Variants in STXBP4 observed in about 807,000 individuals in gnomAD.
STXBP4 encodes the protein syntaxin-binding protein 4.
A neutral mutation model predicts 76.1 loss-of-function variants in STXBP4; 55 were observed. The observed-to-expected ratio is 0.72, with a 90% CI of 0.58 to 0.91. The LOEUF (loss-of-function observed/expected upper bound fraction) is 0.91. Ranked by LOEUF, STXBP4 falls within the 40% of genes least tolerant of loss-of-function variation. The pLI is 0.00. For missense variants in STXBP4, 618 were observed against 636.9 expected (o/e 0.97, Z 0.32); for synonymous variants, 201 against 220.2 (o/e 0.91, Z 0.77).
intron 16 of STXBP4, among the ~76,000 whole-genome samples, chr17:55,137,520 C>T (rs1029226891): frequency 6.6e-6 from 1 of 151,998 alleles, no homozygotes; most frequent in African/African-American, 2.4e-5. Flanking sequence ...TAAGTTTCTA[C>T]AAGAAAAATT....
chr17:55,097,906 T>C (rs8080876), intron 16 of STXBP4, among the ~76,000 whole-genome samples: 57,912 of 151,844 alleles, frequency 0.38, 11,689 homozygotes, highest in East Asian at 0.54. Context: ...ATATCACCAA[T>C]CCATAGGGTT....
intron 12 of STXBP4, among the ~76,000 whole-genome samples, chr17:55,056,784 A>T (rs1005585239): frequency 7.9e-5 from 12 of 152,220 alleles, no homozygotes; most frequent in African/African-American, 2.9e-4. Context: ...AGGCAGGCAG[A>T]TCGCTTGAGC....
chr17:55,034,446 G>A (rs1030175893), intron 10 of STXBP4, among the ~76,000 whole-genome samples, 187 bp downstream of exon 10: 3 of 151,862 alleles, frequency 2.0e-5, no homozygotes, highest in South Asian at 2.1e-4. Flanking sequence ...CTCCTCTCTC[G>A]CTAGCCTCTT....
chr17:55,204,062 C>CT, the STXBP4 span, among the ~76,000 whole-genome samples: 6 of 151,282 alleles, frequency 4.0e-5, no homozygotes, highest in South Asian at 2.1e-4. Flanking sequence ...TTTTTTATTT[C>CT]TTTTTTTTGG....
At chr17:55,151,125 G>T (rs1185646214) in intron 17 of STXBP4, among the ~76,000 whole-genome samples, 2 of 152,202 alleles carry the variant, frequency 1.3e-5, no homozygotes, top group African/African-American at 4.8e-5. Context: ...AATAAGACCT[G>T]TGTGGGACTT....
intron 12 of STXBP4, among the ~76,000 whole-genome samples, chr17:55,053,481 C>T (rs1174062683): frequency 6.6e-6 from 1 of 152,060 alleles, no homozygotes; most frequent in Non-Finnish European, 1.5e-5. Flanking sequence ...CTATCAGTGG[C>T]TTACAAGAAT....
intron 12 of STXBP4, among the ~76,000 whole-genome samples, chr17:55,055,582 C>T (rs2078913764): frequency 6.6e-6 from 1 of 152,142 alleles, no homozygotes; most frequent in African/African-American, 2.4e-5. Context: ...TAGAACTCTC[C>T]AGGACTTTCC....
chr17:55,097,448 G>A (rs1008156915), intron 16 of STXBP4, among the ~76,000 whole-genome samples: 2 of 152,142 alleles, frequency 1.3e-5, no homozygotes, highest in Non-Finnish European at 2.9e-5. Flanking sequence ...CGGATCACGA[G>A]GTCAGGAGAT....
chr17:55,095,567 A>G (rs1298184329), intron 16 of STXBP4, among the ~76,000 whole-genome samples: 3 of 152,226 alleles, frequency 2.0e-5, no homozygotes, highest in South Asian at 2.1e-4. Flanking sequence ...AAATAGTTCA[A>G]TTCAGATCCA....
the STXBP4 span, among the ~76,000 whole-genome samples, chr17:55,189,054 G>A: frequency 0.22 from 33,890 of 151,768 alleles, 3,934 homozygotes; most frequent in African/African-American, 0.28. Flanking sequence ...GCAGATGTGG[G>A]CACTTTTTGT....
At chr17:55,062,815 A>C (rs2079010128) in intron 12 of STXBP4, among the ~76,000 whole-genome samples, 1 of 152,150 alleles carries the variant, frequency 6.6e-6, no homozygotes, top group South Asian at 2.1e-4. Flanking sequence ...ATGCTATCTC[A>C]TTGTGGTTTT....
At chr17:55,083,321 A>G (rs923931159) in intron 16 of STXBP4, among the ~76,000 whole-genome samples, 2 of 152,108 alleles carry the variant, frequency 1.3e-5, no homozygotes, top group Admixed American at 6.6e-5. Flanking sequence ...TTTTCACTAA[A>G]TGAAGATATT....
At chr17:55,095,096 A>G (rs933084946) in intron 16 of STXBP4, among the ~76,000 whole-genome samples, 2 of 152,202 alleles carry the variant, frequency 1.3e-5, no homozygotes, top group Admixed American at 6.5e-5. Context: ...GATGTGTACT[A>G]TCTAGTACTT....
Position 55,031,271 on chromosome 17 carries a change from T to G in STXBP4, c.763+7T>G. 4 of 1,594,286 alleles carry G rather than the reference T, an allele frequency of 2.5e-6. No homozygotes were observed. The highest frequency in any genetic ancestry group is 3.4e-6 in the Non-Finnish European group (4 of 1,162,698). On this transcript the variant is annotated splice_region_variant and intron_variant, in intron 9 of 17. Transcript: ENST00000376352. ...GGGACAGTGTCTTTTGGAGGTAATATTAGGTTTATTGTGTTGTATTATCAC... is the reference window on the plus strand; with the variant it reads ...GGGACAGTGTCTTTTGGAGGTAATAGTAGGTTTATTGTGTTGTATTATCAC...
intron 13 of STXBP4, among the ~76,000 whole-genome samples, chr17:55,076,298 G>T (rs536736127): frequency 6.6e-6 from 1 of 152,082 alleles, no homozygotes; most frequent in South Asian, 2.1e-4. Flanking sequence ...ACCATTTTCT[G>T]TTAAGCATTC....
chr17:55,082,284 G>A (rs953102883), intron 16 of STXBP4, among the ~76,000 whole-genome samples: 10 of 152,160 alleles, frequency 6.6e-5, no homozygotes, highest in African/African-American at 1.9e-4. Context: ...AATAGCATGA[G>A]CAGATTGTCA....
intron 8 of STXBP4, among the ~76,000 whole-genome samples, chr17:55,008,764 T>C (rs1192212038): frequency 6.6e-6 from 1 of 152,140 alleles, no homozygotes; most frequent in East Asian, 1.9e-4. Flanking sequence ...AGGTCCTCTC[T>C]GGAATGAGGG....
At chr17:55,015,980 G>T (rs1214634075) in intron 8 of STXBP4, among the ~76,000 whole-genome samples, 2 of 152,106 alleles carry the variant, frequency 1.3e-5, no homozygotes, top group Non-Finnish European at 2.9e-5. Flanking sequence ...GGATATCATG[G>T]CCAGGCAGTA....
In STXBP4 at chr17:54,999,648, G is replaced by T. The variant is rs772944799; in HGVS notation, c.304G>T (p.Glu102Ter). ...TAGTACTAGGTTAGAATCTGCTTGG[G>T]AGATAGCATTCATAAGACAAAAATC... is the stretch of plus-strand genomic sequence containing the variant. ...GAKLRLESAW[E>*]IAFIRQKSDN... Residue 102 changes from glutamate to a stop codon, truncating the protein, a stop_gained, in exon 6 of 18, where the codon GAG (glutamate) becomes TAG (stop). Coordinates refer to ENST00000376352, the MANE Select transcript of STXBP4 (RefSeq NM_178509.6). LOFTEE classifies it high-confidence loss of function. The T allele has an allele frequency of 1.2e-6, 2 of 1,613,572 alleles. No individual in the cohort carries two copies. The highest frequency in any genetic ancestry group is 4.5e-5 in the East Asian group (2 of 44,772).
Sources: gnomAD v4.1 joint callset for allele counts (sites outside exome capture counted in the v4.1 genomes callset) on GRCh38, gnomAD v4.1.1 for gene constraint, MANE v1.5 for transcripts, NCBI Gene and HGNC (gene_info 2026-07-23, HGNC 2026-07-21) for gene names.